Variants in UNC5B observed in about 807,000 individuals in gnomAD.
The protein encoded by UNC5B is unc-5 netrin receptor B, also known as netrin receptor UNC5B.
Under a neutral mutation model 103.7 loss-of-function variants are expected in UNC5B, and 56 were observed. The observed-to-expected ratio is 0.54, with a 90% confidence interval of 0.44 to 0.67. The LOEUF (loss-of-function observed/expected upper bound fraction) is 0.67. Ranked by LOEUF, UNC5B falls within the 30% of genes least tolerant of loss-of-function variation. UNC5B has a pLI of 0.00. For missense variants in UNC5B, 1,194 were observed against 1,284.5 expected (o/e 0.93, Z 1.08); for synonymous variants, 577 against 542.0 (o/e 1.06, Z -0.90).
chr10:71,285,414 G>C lies in UNC5B; in HGVS notation c.537G>C (p.Gly179=), dbSNP rs1845048407. The C allele has an allele frequency of 3.1e-6, 5 of 1,601,636 alleles. No homozygotes were observed. ...EVLLQCRPPE[G]VPVAEVEWLK... ...TCCTGCAGTGCCGCCCGCCGGAGGG[G>C]GTGCCTGTGGCCGAGGTGAGCGGGG... The change falls in exon 4 of 17, where the codon GGG becomes GGC. Residue 179 remains glycine (G), a synonymous_variant. Coordinates refer to ENST00000335350, the MANE Select transcript of UNC5B (RefSeq NM_170744.5).
intron 1 of UNC5B, among the ~76,000 whole-genome samples, chr10:71,250,267 T>C (rs7915387): frequency 0.4 from 61,083 of 152,052 alleles, 12,386 homozygotes; most frequent in East Asian, 0.55. Context: ...ACCCCGAGCC[T>C]CCGGCCGTTC....
intron 1 of UNC5B, among the ~76,000 whole-genome samples, chr10:71,235,085 CCTCTGA>C (rs1179388558): frequency 0.018 from 1,590 of 89,546 alleles, 18 homozygotes; most frequent in Non-Finnish European, 0.034. Context: ...GCTGCCGCTG[CCTCTGA>C]CTCTGCCTCT....
intron 8 of UNC5B, among the ~76,000 whole-genome samples, chr10:71,290,438 A>G (rs1298013141): frequency 6.6e-6 from 1 of 152,156 alleles, no homozygotes; most frequent in Non-Finnish European, 1.5e-5. Flanking sequence ...CCCTCAGAGC[A>G]TGGAATGGAA....
At chr10:71,268,292 ACAGATTGGCAAAGGC>A (rs1207491928) in intron 1 of UNC5B, among the ~76,000 whole-genome samples, 1 of 152,080 alleles carries the variant, frequency 6.6e-6, no homozygotes, top group African/African-American at 2.4e-5. Flanking sequence ...TGCCCATTTC[ACAGATTGGCAAAGGC>A]CAGAGTCTGG....
intron 1 of UNC5B, among the ~76,000 whole-genome samples, chr10:71,230,995 T>C (rs186950945): frequency 6.6e-6 from 1 of 152,306 alleles, no homozygotes; most frequent in Non-Finnish European, 1.5e-5. Context: ...GAAGTCATTG[T>C]CCCATTTAAC....
intron 1 of UNC5B, among the ~76,000 whole-genome samples, chr10:71,219,042 C>A (rs1353524281): frequency 6.6e-6 from 1 of 152,210 alleles, no homozygotes; most frequent in East Asian, 1.9e-4. Flanking sequence ...TCCATCACTT[C>A]AACTCTAGGA....
intron 2 of UNC5B, among the ~76,000 whole-genome samples, chr10:71,283,716 A>G (rs1006501827): frequency 6.6e-5 from 10 of 152,140 alleles, no homozygotes; most frequent in African/African-American, 2.4e-4. Context: ...TTTCCTGAGC[A>G]TGGAGGGCTT....
At chr10:71,294,126 G>A (rs904556141) in intron 13 of UNC5B, among the ~76,000 whole-genome samples, 193 bp downstream of exon 13, 3 of 152,208 alleles carry the variant, frequency 2.0e-5, no homozygotes, top group Admixed American at 2.0e-4. Flanking sequence ...ATCCAGGTTA[G>A]AGGTGGGAGG....
At chr10:71,224,264 C>T (rs1843512948) in intron 1 of UNC5B, among the ~76,000 whole-genome samples, 1 of 147,788 alleles carries the variant, frequency 6.8e-6, no homozygotes, top group Admixed American at 6.7e-5. Context: ...GACACACACA[C>T]ACACACCAGG....
intron 1 of UNC5B, among the ~76,000 whole-genome samples, chr10:71,244,843 T>G (rs1216776544): frequency 1.3e-5 from 2 of 152,170 alleles, no homozygotes; most frequent in Non-Finnish European, 2.9e-5. Context: ...CGTGCTTGTG[T>G]GACTGTGGGC....
chr10:71,219,142 A>C (rs1236010093), intron 1 of UNC5B, among the ~76,000 whole-genome samples: 1 of 152,114 alleles, frequency 6.6e-6, no homozygotes, highest in Non-Finnish European at 1.5e-5. Flanking sequence ...ACAGTTTACA[A>C]AACCCTTTTA....
chr10:71,239,968 C>T (rs564126797), intron 1 of UNC5B, among the ~76,000 whole-genome samples: 2 of 152,284 alleles, frequency 1.3e-5, no homozygotes, highest in South Asian at 4.1e-4. Context: ...AAACAGGTGC[C>T]CAGTGTGGGG....
At chr10:71,282,480 C>A (rs1430230084) in intron 2 of UNC5B, among the ~76,000 whole-genome samples, 3 of 152,206 alleles carry the variant, frequency 2.0e-5, no homozygotes, top group South Asian at 2.1e-4. Flanking sequence ...TTGTTTCCTT[C>A]TATCCAGCTA....
chr10:71,253,006 G>A (rs4747141), intron 1 of UNC5B, among the ~76,000 whole-genome samples: 22,862 of 152,196 alleles, frequency 0.15, 2,113 homozygotes, highest in East Asian at 0.35. Context: ...CAGGACCTGT[G>A]TCCAGGACAT....
rs1843258623 is a variant in UNC5B, at chr10:71,213,006, T to C, written c.21T>C (p.Ala7=). 2.1e-6 allele frequency: 3 copies of C among 1,408,280 alleles called. No homozygotes were observed. The highest frequency in any genetic ancestry group is 2.9e-5 in the African/African-American group (2 of 67,830). 87.2% of individuals were successfully genotyped at this position (1,408,280 alleles called of 1,614,324 possible). A position where few individuals can be genotyped will look rare whatever the true frequency, so the allele number is the denominator to read the frequency against. Residue 7 remains alanine (A), a synonymous_variant, in exon 1 of 17, where the codon GCT becomes GCC. Coordinates refer to ENST00000335350, the MANE Select transcript of UNC5B (RefSeq NM_170744.5). The surrounding 1 kb of genome is among the most constrained non-coding windows in gnomAD (Gnocchi z 4.1). ...GGAGCATGGGGGCCCGGAGCGGAGC[T>C]CGGGGCGCGCTGCTGCTGGCACTGC... MGARSG[A]RGALLLALLL... is the part of the protein sequence containing the mutation.
Position 71,297,779 on chromosome 10 carries a change from A to G in UNC5B, c.2491-130A>G, listed in dbSNP as rs375339224. On this transcript the variant is annotated intron_variant, in intron 15 of 16. Coordinates refer to ENST00000335350, the MANE Select transcript of UNC5B (RefSeq NM_170744.5). Reference sequence around the variant, plus strand: ...CTTCAAGGGAGAAGCCCCTGCCTGAACAGTGGGAGTCTGTCCAGAGGAGGT... The same window carrying G: ...CTTCAAGGGAGAAGCCCCTGCCTGAGCAGTGGGAGTCTGTCCAGAGGAGGT... 53 of 1,050,892 alleles carry G rather than the reference A, an allele frequency of 5.0e-5. No individual in the cohort carries two copies. The African/African-American group carries it at 7.0e-4, about 14-fold the overall frequency. 65.1% of individuals were successfully genotyped at this position (1,050,892 alleles called of 1,614,324 possible). A position where few individuals can be genotyped will look rare whatever the true frequency, so the allele number is the denominator to read the frequency against.
At chr10:71,241,822 G>A (rs1175327305) in intron 1 of UNC5B, among the ~76,000 whole-genome samples, 2 of 152,082 alleles carry the variant, frequency 1.3e-5, no homozygotes, top group East Asian at 3.9e-4. Context: ...CCATTAGAGT[G>A]GGTGAAGGCC....
rs767367209 is a variant in UNC5B, at chr10:71,299,318, A to AGG, written c.*42_*43dup. On this transcript the variant is annotated 3_prime_UTR_variant, in exon 17 of 17. Transcript: ENST00000335350. The stretch of plus-strand genomic sequence containing the variant: ...GGGCTGGCAGGGACTGGCAGGAGGC[A>AGG]GGTGCAGGGAGGCCTGGGGCAGCCT... 25 of 1,607,200 alleles carry AGG rather than the reference A, an allele frequency of 1.6e-5. No homozygotes were observed. The East Asian group carries it at 3.6e-4, about 23-fold the overall frequency.
chr10:71,221,433 G>T (rs1843450764), intron 1 of UNC5B, among the ~76,000 whole-genome samples: 2 of 152,216 alleles, frequency 1.3e-5, no homozygotes. Flanking sequence ...TTTCTCAGAG[G>T]CAGGGGGAGG....
Sources: gnomAD v4.1 joint callset for allele counts (sites outside exome capture counted in the v4.1 genomes callset) on GRCh38, gnomAD v4.1.1 for gene constraint, Gnocchi (gnomAD v3.1) non-coding constraint, MANE v1.5 for transcripts, NCBI Gene and HGNC (gene_info 2026-07-23, HGNC 2026-07-21) for gene names.